The following SLC38A6 variants were observed in gnomAD, a reference collection of about 807,000 sequenced individuals.
SLC38A6 encodes the protein solute carrier family 38 member 6.
In SLC38A6, 73 loss-of-function variants were observed where a neutral mutation model predicts 65.0. That is an observed-to-expected ratio of 1.12 (90% CI 0.93 to 1.37). The LOEUF (loss-of-function observed/expected upper bound fraction) is 1.37. SLC38A6 is among the 40% of genes most tolerant of loss of function. SLC38A6 has a pLI of 0.00. For missense variants in SLC38A6, 561 were observed against 531.1 expected, an observed-to-expected ratio of 1.06 and a Z score of -0.55; for synonymous variants, 183 against 178.8, an observed-to-expected ratio of 1.02 and a Z score of -0.19.
At chr14:61,022,218 C>T (rs769765360) in intron 5 of SLC38A6, among the ~76,000 whole-genome samples, 5 of 152,042 alleles carry the variant, frequency 3.3e-5, no homozygotes, top group Non-Finnish European at 7.4e-5. Context: ...GTATCTTTAA[C>T]AAATCAATAA....
At chr14:61,053,963 G>T (rs1011009737), downstream of SLC38A6, among the ~76,000 whole-genome samples, 1 of 151,976 alleles carries the variant, frequency 6.6e-6, no homozygotes, top group Non-Finnish European at 1.5e-5. Context: ...CTATGTCTGG[G>T]ATGGTATTGC....
chr14:61,010,053 A>C (rs189047308), intron 3 of SLC38A6, among the ~76,000 whole-genome samples: 2 of 152,104 alleles, frequency 1.3e-5, no homozygotes, highest in African/African-American at 2.4e-5. Context: ...GTTGTTTCCT[A>C]ACTTTTTAAT....
chr14:61,073,487 A>G (rs1338300038), intron 15 of SLC38A6, among the ~76,000 whole-genome samples: 1 of 152,146 alleles, frequency 6.6e-6, no homozygotes, highest in East Asian at 1.9e-4. Context: ...CCATTCATTT[A>G]TATTTTTCTT....
intron 3 of SLC38A6, chr14:61,004,289 C>G (rs544846269): frequency 6.6e-6 from 1 of 152,082 alleles, no homozygotes; most frequent in Non-Finnish European, 1.5e-5. Context: ...AGACATACTC[C>G]GGTTAGCCTT....
intron 15 of SLC38A6, among the ~76,000 whole-genome samples, chr14:61,068,876 T>A (rs1300336724): frequency 2.0e-5 from 3 of 152,208 alleles, no homozygotes; most frequent in Non-Finnish European, 4.4e-5. Flanking sequence ...TCTAACAGAC[T>A]GTGTCCTTCT....
chr14:61,026,975 G>A (rs559778574), intron 5 of SLC38A6, among the ~76,000 whole-genome samples: 11 of 151,862 alleles, frequency 7.2e-5, no homozygotes, highest in Non-Finnish European at 1.3e-4. Context: ...TCAACCTCCC[G>A]GGCCCAATTC....
At chr14:61,007,723 A>AT (rs369977981) in intron 3 of SLC38A6, among the ~76,000 whole-genome samples, 1 of 48,710 alleles carries the variant, frequency 2.1e-5, no homozygotes, top group African/African-American at 6.6e-5. Context: ...CATATCAGAG[A>AT]TGCTCTGGAG....
chr14:60,987,312 C>T (rs550031303), intron 3 of SLC38A6: 97 of 152,736 alleles, frequency 6.4e-4, no homozygotes, highest in Non-Finnish European at 1.1e-3. Flanking sequence ...AAAGAGCTAT[C>T]ATGAGTTTTT....
intron 3 of SLC38A6, among the ~76,000 whole-genome samples, chr14:60,995,240 G>A (rs1045327137): frequency 1.3e-5 from 2 of 152,178 alleles, no homozygotes; most frequent in African/African-American, 2.4e-5. Flanking sequence ...GTGTCAGTAA[G>A]TGAGTATATA....
At chr14:61,005,145 C>A (rs1034699418) in intron 3 of SLC38A6, among the ~76,000 whole-genome samples, 8 of 151,954 alleles carry the variant, frequency 5.3e-5, no homozygotes, top group African/African-American at 1.7e-4. Context: ...CCCATTCATG[C>A]TAAAAACAAT....
chr14:61,049,516 T>A (rs1476226963), intron 12 of SLC38A6, among the ~76,000 whole-genome samples: 1 of 152,202 alleles, frequency 6.6e-6, no homozygotes, highest in Non-Finnish European at 1.5e-5. Context: ...TGTAAGTTGC[T>A]AGTTACTGGT....
At chr14:61,003,470 C>A (rs553002001) in intron 3 of SLC38A6, among the ~76,000 whole-genome samples, 25 of 152,106 alleles carry the variant, frequency 1.6e-4, no homozygotes, top group African/African-American at 6.0e-4. Flanking sequence ...ATAATGATTT[C>A]TCTTGATTTT....
At chr14:61,034,214 G>A (rs941118420) in intron 6 of SLC38A6, 6 of 152,178 alleles carry the variant, frequency 3.9e-5, no homozygotes, top group Non-Finnish European at 8.8e-5. Context: ...AGTAACTGGT[G>A]TACAGAATTT....
At chr14:61,065,607 A>C (rs1360240576) in intron 15 of SLC38A6, among the ~76,000 whole-genome samples, 2 of 152,230 alleles carry the variant, frequency 1.3e-5, no homozygotes, top group African/African-American at 4.8e-5. Context: ...TTTCTTTCTC[A>C]ATGTGTCCTT....
chr14:61,019,426 C>G (rs1294579383), intron 4 of SLC38A6, 115 bp from the exon 5 acceptor site: 1 of 873,302 alleles, frequency 1.1e-6, no homozygotes, highest in Non-Finnish European at 1.7e-6. Context: ...TTTTTAGTTT[C>G]TCCTCACAAC....
intron 10 of SLC38A6, among the ~76,000 whole-genome samples, chr14:61,045,130 G>T (rs1313278145): frequency 6.6e-6 from 1 of 152,060 alleles, no homozygotes. Context: ...AAATATTCTG[G>T]CTAGTACAGG....
chr14:61,008,861 T>G (rs1034260043), intron 3 of SLC38A6, among the ~76,000 whole-genome samples: 1 of 152,176 alleles, frequency 6.6e-6, no homozygotes, highest in African/African-American at 2.4e-5. Context: ...TACTTTAACT[T>G]TATTTACATA....
rs536497985 is a variant in SLC38A6, at chr14:61,064,283, A to T, written c.1290+12148A>T. ...CGTACCCTCTTCTTCTGTTTATGAC[A>T]TTATGGATCCAAATACAGATAGGTG... On this transcript the variant is annotated intron_variant, in intron 15 of 16. Transcript: ENST00000354886. Among the ~76,000 whole-genome samples the T allele has an allele frequency of 3.3e-5, 5 of 152,264 alleles. No homozygotes were observed. The South Asian group carries it at 6.2e-4, about 19-fold the overall frequency.
intron 4 of SLC38A6, among the ~76,000 whole-genome samples, chr14:61,018,343 G>A (rs1277836562): frequency 6.6e-6 from 1 of 152,160 alleles, no homozygotes; most frequent in African/African-American, 2.4e-5. Flanking sequence ...CTGAAATGCA[G>A]AATTTTTTCT....
Sources: gnomAD v4.1 joint callset for allele counts (sites outside exome capture counted in the v4.1 genomes callset) on GRCh38, gnomAD v4.1.1 for gene constraint, MANE v1.5 for transcripts, NCBI Gene and HGNC (gene_info 2026-07-23, HGNC 2026-07-21) for gene names.